The following COG5 variants were observed in gnomAD, a reference collection of about 807,000 sequenced individuals.
COG5 encodes the protein component of oligomeric golgi complex 5, also known as conserved oligomeric Golgi complex subunit 5.
Under a neutral mutation model 110.4 loss-of-function variants are expected in COG5, and 86 were observed. That is an observed-to-expected ratio of 0.78 (90% CI 0.65 to 0.93). The LOEUF (loss-of-function observed/expected upper bound fraction) is 0.93, where lower values mean the gene tolerates loss of function less well. COG5 is among the 40% of genes least tolerant of loss of function. COG5 has a pLI of 0.00. For missense variants in COG5, 1,077 were observed against 987.0 expected (o/e 1.09, Z -1.22); for synonymous variants, 360 against 334.6 (o/e 1.08, Z -0.83).
chr7:107,223,995 C>G lies in COG5; in HGVS notation c.2168+6620G>C, dbSNP rs572928670. On this transcript the variant is annotated intron_variant, in intron 19 of 21. Transcript: ENST00000297135. The stretch of plus-strand genomic sequence containing the variant: ...TAAATATTCAACTCTTCATGTTTAC[C>G]TGGGTGCGCTTAGCACTGCCAAAGT... 5.9e-5 allele frequency among the ~76,000 whole-genome samples: 9 copies of G among 152,290 alleles called. No homozygotes were observed. The South Asian group carries it at 6.2e-4, about 11-fold the overall frequency.
chr7:107,512,823 C>G (rs1292732397), intron 6 of COG5, among the ~76,000 whole-genome samples: 3 of 151,444 alleles, frequency 2.0e-5, no homozygotes, highest in South Asian at 4.2e-4. Flanking sequence ...ATAAATGGTG[C>G]TGGGAAAACT....
At chr7:107,261,688 A>G (rs555157284) in intron 14 of COG5, among the ~76,000 whole-genome samples, 3 of 152,204 alleles carry the variant, frequency 2.0e-5, no homozygotes, top group African/African-American at 4.8e-5. Context: ...TCCTTCAACA[A>G]TCTTACTGTT....
chr7:107,415,569 C>T (rs1304599414), intron 6 of COG5, among the ~76,000 whole-genome samples: 1 of 151,430 alleles, frequency 6.6e-6, no homozygotes, highest in African/African-American at 2.4e-5. Context: ...AAATCACATC[C>T]TCTAAATCAA....
rs563643962 is a variant in COG5 at position 107,510,125 on chromosome 7, C to G, written c.538+17112G>C. On this transcript the variant is annotated intron_variant, in intron 6 of 21. Coordinates refer to ENST00000297135, the MANE Select transcript of COG5 (RefSeq NM_006348.5). Reference sequence around the variant, plus strand: ...CTGACAAACTGGATAGAGTCAAGACCCATCAGTGTGCTGTATTCAGGAAAC... The same window carrying G: ...CTGACAAACTGGATAGAGTCAAGACGCATCAGTGTGCTGTATTCAGGAAAC... 4.1e-4 allele frequency among the ~76,000 whole-genome samples: 63 copies of G among 151,906 alleles called. No individual in the cohort carries two copies. In the Middle Eastern group the frequency reaches 0.01, roughly 25 times the overall value.
intron 5 of COG5, among the ~76,000 whole-genome samples, chr7:107,542,521 T>C (rs1802111122): frequency 6.6e-6 from 1 of 152,192 alleles, no homozygotes; most frequent in Admixed American, 6.5e-5. Flanking sequence ...TCCCAGGATA[T>C]AACTTACACA....
intron 6 of COG5, among the ~76,000 whole-genome samples, chr7:107,426,792 G>A (rs1274620069): frequency 6.6e-6 from 1 of 152,102 alleles, no homozygotes; most frequent in Non-Finnish European, 1.5e-5. Flanking sequence ...ACTGTCTGGG[G>A]CATTCAGATC....
intron 14 of COG5, among the ~76,000 whole-genome samples, chr7:107,273,749 T>C (rs1337940400): frequency 1.3e-5 from 2 of 152,162 alleles, no homozygotes; most frequent in African/African-American, 4.8e-5. Flanking sequence ...TAATATTTTC[T>C]AGGGTGGGTG....
At chr7:107,319,455 A>G (rs576724730) in intron 11 of COG5, among the ~76,000 whole-genome samples, 30 of 152,308 alleles carry the variant, frequency 2.0e-4, no homozygotes, top group Non-Finnish European at 3.7e-4. Context: ...GGCAGACTAT[A>G]TATTGATTCC....
At chr7:107,535,996 T>C (rs975236043) in intron 5 of COG5, among the ~76,000 whole-genome samples, 1 of 152,068 alleles carries the variant, frequency 6.6e-6, no homozygotes, top group Non-Finnish European at 1.5e-5. Context: ...GCAAGGCTGG[T>C]TCAACATATG....
intron 8 of COG5, among the ~76,000 whole-genome samples, chr7:107,368,026 AAATAAC>A (rs1332755778): frequency 6.6e-6 from 1 of 152,190 alleles, no homozygotes; most frequent in Admixed American, 6.5e-5. Context: ...AATCATTCAA[AAATAAC>A]ATAACTAACA....
intron 19 of COG5, among the ~76,000 whole-genome samples, chr7:107,229,903 TG>T (rs1800656137): frequency 6.9e-6 from 1 of 145,346 alleles, no homozygotes; most frequent in Non-Finnish European, 1.5e-5. Flanking sequence ...CAGGCTGGGG[TG>T]CACTGGCGTG....
At chr7:107,307,143 C>T (rs940348276) in intron 11 of COG5, among the ~76,000 whole-genome samples, 1 of 152,190 alleles carries the variant, frequency 6.6e-6, no homozygotes, top group Non-Finnish European at 1.5e-5. Flanking sequence ...CTTGCCTCTT[C>T]CAGACTGCAG....
intron 21 of COG5, among the ~76,000 whole-genome samples, chr7:107,204,742 A>T (rs568238731): frequency 6.6e-6 from 1 of 152,122 alleles, no homozygotes; most frequent in Admixed American, 6.5e-5. Context: ...TCATCCCACA[A>T]GCCACTGTCA....
chr7:107,330,449 T>C (rs1451829188), intron 10 of COG5, among the ~76,000 whole-genome samples: 1 of 152,224 alleles, frequency 6.6e-6, no homozygotes, highest in Non-Finnish European at 1.5e-5. Context: ...CATAATTAAA[T>C]GTATACAGAG....
intron 5 of COG5, among the ~76,000 whole-genome samples, chr7:107,534,317 T>A (rs1801422008): frequency 6.6e-6 from 1 of 151,516 alleles, no homozygotes; most frequent in Non-Finnish European, 1.5e-5. Flanking sequence ...CACATAACAA[T>A]ATTAATCCTA....
At chr7:107,511,695 C>T (rs1471533774) in intron 6 of COG5, among the ~76,000 whole-genome samples, 1 of 152,180 alleles carries the variant, frequency 6.6e-6, no homozygotes, top group East Asian at 1.9e-4. Flanking sequence ...AGCTTATCTA[C>T]CATGATCAAG....
At chr7:107,376,045 T>C (rs796135532) in intron 7 of COG5, among the ~76,000 whole-genome samples, 14 of 152,088 alleles carry the variant, frequency 9.2e-5, no homozygotes, top group African/African-American at 3.1e-4. Flanking sequence ...GAATACCCAA[T>C]TGATCAAAAA....
chr7:107,223,481 G>A (rs1584539009), intron 19 of COG5, among the ~76,000 whole-genome samples: 1 of 152,138 alleles, frequency 6.6e-6, no homozygotes, highest in Non-Finnish European at 1.5e-5. Context: ...AAGGAGGCAG[G>A]GATTTGGGCT....
At chr7:107,440,491 T>C (rs1186416324) in intron 6 of COG5, among the ~76,000 whole-genome samples, 1 of 152,130 alleles carries the variant, frequency 6.6e-6, no homozygotes, top group African/African-American at 2.4e-5. Flanking sequence ...CCTAAAATCC[T>C]TGGAATCTCT....
Sources: gnomAD v4.1 joint callset for allele counts (sites outside exome capture counted in the v4.1 genomes callset) on GRCh38, gnomAD v4.1.1 for gene constraint, MANE v1.5 for transcripts, NCBI Gene and HGNC (gene_info 2026-07-23, HGNC 2026-07-21) for gene names.